RAD51B: variants seen among roughly 807,000 people sequenced by gnomAD.
RAD51B encodes the protein DNA repair protein RAD51 homolog 2.
In RAD51B, 38 loss-of-function variants were observed where a neutral mutation model predicts 42.2. That is an observed-to-expected ratio of 0.90 (90% CI 0.70 to 1.18). RAD51B has a LOEUF of 1.18. RAD51B is among the 50% of genes most tolerant of loss of function. RAD51B has a pLI of 0.00. For missense variants in RAD51B, 373 were observed against 400.7 expected (o/e 0.93, Z 0.59); for synonymous variants, 154 against 145.2 (o/e 1.06, Z -0.43).
At chr14:68,611,018 T>G (rs1566954631) in exon 11 of RAD51B, 7 of 703,128 alleles carry the variant, frequency 1.0e-5, no homozygotes, top group Non-Finnish European at 1.6e-5. Flanking sequence ...GTTAGAACTG[T>G]GGCCAGAGTC....
At chr14:68,571,813 GTT>G (rs1476814446) in intron 10 of RAD51B, among the ~76,000 whole-genome samples, 1 of 151,946 alleles carries the variant, frequency 6.6e-6, no homozygotes, top group African/African-American at 2.4e-5. Flanking sequence ...TTGTTTGTTT[GTT>G]TGTTTGTTTT....
chr14:68,299,560 G>C (rs2081680896), intron 8 of RAD51B, among the ~76,000 whole-genome samples: 2 of 152,228 alleles, frequency 1.3e-5, no homozygotes, highest in Admixed American at 1.3e-4. Flanking sequence ...TAAAGGACTT[G>C]AGCATCCATG....
intron 7 of RAD51B, among the ~76,000 whole-genome samples, chr14:68,137,678 C>G (rs2078038949): frequency 6.6e-6 from 1 of 152,202 alleles, no homozygotes; most frequent in Non-Finnish European, 1.5e-5. Context: ...AAGGTATGCA[C>G]ATTTTAAAGA....
chr14:68,560,944 G>C (rs1889116243), intron 10 of RAD51B, among the ~76,000 whole-genome samples: 1 of 152,178 alleles, frequency 6.6e-6, no homozygotes, highest in Non-Finnish European at 1.5e-5. Flanking sequence ...AAGGGATACT[G>C]CTTCCGGGCA....
At chr14:67,909,996 T>A (rs2043914539) in intron 7 of RAD51B, among the ~76,000 whole-genome samples, 1 of 152,330 alleles carries the variant, frequency 6.6e-6, no homozygotes, top group South Asian at 2.1e-4. Context: ...CATAATGTTT[T>A]CTCCATTATC....
chr14:68,676,240 T>C (rs1490614534), intron 11 of RAD51B, among the ~76,000 whole-genome samples: 5 of 152,146 alleles, frequency 3.3e-5, no homozygotes, highest in Non-Finnish European at 7.4e-5. Context: ...CGAGGAAACC[T>C]AGGCACAGAG....
At chr14:68,302,640 CA>C (rs2081769218) in intron 8 of RAD51B, among the ~76,000 whole-genome samples, 1 of 152,192 alleles carries the variant, frequency 6.6e-6, no homozygotes, top group Non-Finnish European at 1.5e-5. Flanking sequence ...GAGCCCCAAA[CA>C]GAGATTTATC....
intron 10 of RAD51B, among the ~76,000 whole-genome samples, chr14:68,553,977 T>C (rs1016716182): frequency 6.6e-6 from 1 of 152,176 alleles, no homozygotes; most frequent in African/African-American, 2.4e-5. Context: ...TAGGGTATAA[T>C]AATAACAACA....
At chr14:68,126,510 C>A (rs1242751666) in intron 7 of RAD51B, among the ~76,000 whole-genome samples, 1 of 152,160 alleles carries the variant, frequency 6.6e-6, no homozygotes, top group Non-Finnish European at 1.5e-5. Flanking sequence ...TAGCCCCTCA[C>A]CAAAGAAAAT....
intron 8 of RAD51B, among the ~76,000 whole-genome samples, chr14:68,344,965 A>C (rs1051268837): frequency 2.0e-5 from 3 of 151,862 alleles, no homozygotes; most frequent in Non-Finnish European, 2.9e-5. Flanking sequence ...AAAAAAAAAA[A>C]AACAACATTT....
intron 7 of RAD51B, among the ~76,000 whole-genome samples, chr14:68,181,351 T>G (rs2079057575): frequency 6.6e-6 from 1 of 152,216 alleles, no homozygotes; most frequent in Non-Finnish European, 1.5e-5. Context: ...TTCAGCCTGT[T>G]TCACCTCGAG....
intron 8 of RAD51B, among the ~76,000 whole-genome samples, chr14:68,342,434 G>A (rs1020964064): frequency 6.6e-6 from 1 of 152,192 alleles, no homozygotes; most frequent in African/African-American, 2.4e-5. Context: ...GTGAGTCTGA[G>A]ATAAGGAAGC....
chr14:68,055,455 C>T (rs2076459247), intron 7 of RAD51B, among the ~76,000 whole-genome samples: 1 of 152,028 alleles, frequency 6.6e-6, no homozygotes, highest in African/African-American at 2.4e-5. Flanking sequence ...AAATCAGTAA[C>T]CTTTCAGAGA....
chr14:68,092,019 C>T (rs909802771), intron 7 of RAD51B, among the ~76,000 whole-genome samples: 5 of 152,104 alleles, frequency 3.3e-5, no homozygotes, highest in Admixed American at 2.6e-4. Context: ...AGATATGTGG[C>T]ATTATTTCTC....
chr14:68,097,853 C>T (rs2077221052), intron 7 of RAD51B, among the ~76,000 whole-genome samples: 1 of 152,148 alleles, frequency 6.6e-6, no homozygotes, highest in African/African-American at 2.4e-5. Flanking sequence ...AGTGCCAAGG[C>T]CTTTCATGCT....
At chr14:68,564,295 G>C (rs1006071351) in intron 10 of RAD51B, among the ~76,000 whole-genome samples, 3 of 152,336 alleles carry the variant, frequency 2.0e-5, no homozygotes, top group Admixed American at 1.3e-4. Context: ...CTCGTCAACA[G>C]TCTCCGTCTC....
intron 7 of RAD51B, among the ~76,000 whole-genome samples, chr14:68,133,725 G>A (rs1459056864): frequency 2.6e-5 from 4 of 152,104 alleles, no homozygotes; most frequent in Admixed American, 2.6e-4. Flanking sequence ...TCCCGCCTTA[G>A]CCTCCCAAAG....
intron 8 of RAD51B, among the ~76,000 whole-genome samples, chr14:68,382,897 T>A (rs184872158): frequency 6.6e-6 from 1 of 152,332 alleles, no homozygotes. Flanking sequence ...TAGTATTACA[T>A]GGCTTTTTTT....
At chr14:67,894,888 C>T (rs562564180) in intron 7 of RAD51B, among the ~76,000 whole-genome samples, 5 of 152,276 alleles carry the variant, frequency 3.3e-5, no homozygotes, top group African/African-American at 1.2e-4. Context: ...GATCCTCCTG[C>T]CTCAACCTCC....
Sources: allele counts gnomAD v4.1 joint callset (sites outside exome capture counted in the v4.1 genomes callset), GRCh38; gene constraint gnomAD v4.1.1; transcripts MANE v1.5; gene names NCBI Gene and HGNC (gene_info 2026-07-23, HGNC 2026-07-21).